Variants in SAMTOR observed in about 807,000 individuals in gnomAD.
The protein encoded by SAMTOR is S-adenosylmethionine sensor upstream of mTORC1.
At chr7:112,936,241 G>A in the SAMTOR span, among the ~76,000 whole-genome samples, 1 of 151,916 alleles carries the variant, frequency 6.6e-6, no homozygotes, top group Non-Finnish European at 1.5e-5. Flanking sequence ...ACTATCAATG[G>A]CAGACACCAG....
chr7:112,900,274 T>C, the SAMTOR span, among the ~76,000 whole-genome samples: 1 of 152,168 alleles, frequency 6.6e-6, no homozygotes, highest in East Asian at 1.9e-4. Flanking sequence ...GAGAACTATT[T>C]TATAAGTTCT....
At chr7:112,846,145 CTT>C in the SAMTOR span, among the ~76,000 whole-genome samples, 53 of 128,882 alleles carry the variant, frequency 4.1e-4, no homozygotes, top group Non-Finnish European at 3.9e-4. Flanking sequence ...ATCTGTACAA[CTT>C]TTTTTTTTTT....
chr7:112,834,766 G>T, the SAMTOR span, among the ~76,000 whole-genome samples: 1 of 152,032 alleles, frequency 6.6e-6, no homozygotes, highest in Non-Finnish European at 1.5e-5. Context: ...CTGATGTACG[G>T]TCAGAAGGTC....
the SAMTOR span, among the ~76,000 whole-genome samples, chr7:112,831,584 G>A: frequency 6.6e-6 from 1 of 152,096 alleles, no homozygotes; most frequent in African/African-American, 2.4e-5. Flanking sequence ...GAACCCGGGA[G>A]GCATAAGTTG....
the SAMTOR span, chr7:112,821,416 C>T: frequency 3.4e-4 from 59 of 175,156 alleles, no homozygotes; most frequent in Non-Finnish European, 5.9e-4. Flanking sequence ...ATAGTCAACA[C>T]TGAAAAGTTG....
the SAMTOR span, among the ~76,000 whole-genome samples, chr7:112,834,066 TTGC>T: frequency 1.3e-5 from 2 of 152,238 alleles, no homozygotes; most frequent in African/African-American, 2.4e-5. Flanking sequence ...ATTTTGTAAC[TTGC>T]TGCTTTCATT....
the SAMTOR span, among the ~76,000 whole-genome samples, chr7:112,831,511 C>G: frequency 6.6e-6 from 1 of 152,028 alleles, no homozygotes; most frequent in Non-Finnish European, 1.5e-5. Context: ...ACAAAGTTAG[C>G]TGGGCGTGGT....
the SAMTOR span, among the ~76,000 whole-genome samples, chr7:112,858,974 T>C: frequency 2.0e-5 from 3 of 152,186 alleles, no homozygotes; most frequent in Admixed American, 6.5e-5. Context: ...GGCACTTAGA[T>C]GAAATTAACT....
chr7:112,878,143 C>A, the SAMTOR span, among the ~76,000 whole-genome samples: 4 of 152,126 alleles, frequency 2.6e-5, no homozygotes, highest in African/African-American at 9.7e-5. Flanking sequence ...AACACAAACA[C>A]AATTACTCAA....
At chr7:112,886,947 C>T in the SAMTOR span, among the ~76,000 whole-genome samples, 1 of 152,040 alleles carries the variant, frequency 6.6e-6, no homozygotes, top group African/African-American at 2.4e-5. Flanking sequence ...AGGCAGATCA[C>T]GAGGTCAGAA....
chr7:112,827,095 TTGTC>T, the SAMTOR span, among the ~76,000 whole-genome samples: 2 of 152,212 alleles, frequency 1.3e-5, no homozygotes, highest in Non-Finnish European at 2.9e-5. Context: ...GAAATATACT[TTGTC>T]TAATTTTAAT....
chr7:112,901,839 C>T, the SAMTOR span, among the ~76,000 whole-genome samples: 1 of 152,208 alleles, frequency 6.6e-6, no homozygotes, highest in Non-Finnish European at 1.5e-5. Context: ...CAAAATGTTA[C>T]ACTTTTTACA....
At chr7:112,932,811 G>C in the SAMTOR span, among the ~76,000 whole-genome samples, 1 of 152,178 alleles carries the variant, frequency 6.6e-6, no homozygotes, top group Non-Finnish European at 1.5e-5. Context: ...TAAAAACCCA[G>C]ATCTTTGTTT....
chr7:112,843,834 CA>C, the SAMTOR span, among the ~76,000 whole-genome samples: 1 of 151,360 alleles, frequency 6.6e-6, no homozygotes, highest in Non-Finnish European at 1.5e-5. Flanking sequence ...GCAAAGAAAA[CA>C]AAAAAAGAAA....
At chr7:112,937,397 T>A in the SAMTOR span, among the ~76,000 whole-genome samples, 1 of 152,258 alleles carries the variant, frequency 6.6e-6, no homozygotes, top group South Asian at 2.1e-4. Context: ...ACTTAAGCAA[T>A]CTTCAGATTA....
At chr7:112,867,488 T>A in the SAMTOR span, among the ~76,000 whole-genome samples, 3 of 152,164 alleles carry the variant, frequency 2.0e-5, no homozygotes, top group Non-Finnish European at 4.4e-5. Context: ...CTTATAAAAA[T>A]TTTCAGGAAT....
chr7:112,937,572 T>G, the SAMTOR span, among the ~76,000 whole-genome samples: 1 of 151,704 alleles, frequency 6.6e-6, no homozygotes, highest in Non-Finnish European at 1.5e-5. Context: ...ATATTTAGCC[T>G]ATATGTCAGA....
chr7:112,895,787 A>G, the SAMTOR span: 1 of 1,289,898 alleles, frequency 7.8e-7, no homozygotes, highest in Non-Finnish European at 1.0e-6. Flanking sequence ...GTACGACTAC[A>G]AAATAAGACG....
the SAMTOR span, among the ~76,000 whole-genome samples, chr7:112,872,610 A>G: frequency 6.6e-6 from 1 of 152,042 alleles, no homozygotes; most frequent in Non-Finnish European, 1.5e-5. Flanking sequence ...TGAACATAAA[A>G]TGATAATGAA....
Sources: allele counts gnomAD v4.1 joint callset (sites outside exome capture counted in the v4.1 genomes callset), GRCh38; gene constraint gnomAD v4.1.1; transcripts MANE v1.5; gene names NCBI Gene and HGNC (gene_info 2026-07-23, HGNC 2026-07-21).